Variants in EYS observed in about 807,000 individuals in gnomAD.
EYS encodes EGF-like photoreceptor maintenance factor, also known as protein eyes shut homolog.
In EYS, 250 loss-of-function variants were observed where a neutral mutation model predicts 282.1. The ratio of observed to expected loss-of-function variants is 0.89; its 90% CI spans 0.80 to 0.98. The LOEUF (loss-of-function observed/expected upper bound fraction) is 0.98, where lower values mean the gene tolerates loss of function less well. Among genes scored for constraint, EYS ranks in the 50% least tolerant of loss-of-function variants. EYS has a pLI of 0.00. For synonymous variants in EYS, 1,355 were observed against 1,282.9 expected, an observed-to-expected ratio of 1.06 and a Z score of -1.20; for missense variants, 4,016 against 3,709.0, an observed-to-expected ratio of 1.08 and a Z score of -2.15.
chr6:64,934,946 C>G (rs971441936), intron 15 of EYS, among the ~76,000 whole-genome samples: 3 of 151,508 alleles, frequency 2.0e-5, no homozygotes, highest in African/African-American at 7.3e-5. Context: ...ATAATTATAA[C>G]AGTTTGTTGA....
At chr6:63,879,623 C>A (rs866270247) in intron 35 of EYS, among the ~76,000 whole-genome samples, 25 of 152,130 alleles carry the variant, frequency 1.6e-4, no homozygotes, top group African/African-American at 5.8e-4. Flanking sequence ...ATGCAATTAC[C>A]ACGCATGAAA....
At chr6:64,102,048 C>T (rs1010728810) in intron 31 of EYS, among the ~76,000 whole-genome samples, 1 of 152,004 alleles carries the variant, frequency 6.6e-6, no homozygotes, top group African/African-American at 2.4e-5. Context: ...GAGGAAGCTT[C>T]GCTGGATCAC....
rs367901724 is a variant in EYS, at chr6:65,623,787, C to A, written c.-333+15991G>T. ...CATGCAGTAGACGTCCAGTGAGTCA[C>A]AAATGGTGCATAGTGTTTACTTTTG... is the stretch of plus-strand genomic sequence containing the variant. On this transcript the variant is annotated intron_variant, in intron 2 of 42. Transcript: ENST00000503581. Among the ~76,000 whole-genome samples the A allele has an allele frequency of 8.5e-5, 13 of 152,270 alleles. No homozygotes were observed. The East Asian group carries it at 2.5e-3, about 29-fold the overall frequency.
chr6:64,589,414 C>G (rs1766330209), intron 26 of EYS, among the ~76,000 whole-genome samples: 1 of 152,046 alleles, frequency 6.6e-6, no homozygotes, highest in African/African-American at 2.4e-5. Context: ...ATTAATTTCA[C>G]TGCCACAAAG....
At chr6:64,085,683 C>T (rs754712779) in intron 31 of EYS, among the ~76,000 whole-genome samples, 3 of 152,070 alleles carry the variant, frequency 2.0e-5, no homozygotes, top group Non-Finnish European at 4.4e-5. Flanking sequence ...TTTTAATATC[C>T]TGTTTATGCC....
intron 12 of EYS, among the ~76,000 whole-genome samples, chr6:65,140,529 G>T (rs1016986858): frequency 6.6e-6 from 1 of 151,630 alleles, no homozygotes; most frequent in East Asian, 2.0e-4. Context: ...CACAGCAAAA[G>T]AAACTACCAT....
intron 30 of EYS, among the ~76,000 whole-genome samples, chr6:64,243,263 T>TA (rs1176269958): frequency 6.6e-6 from 1 of 152,076 alleles, no homozygotes. Context: ...AACTATAACT[T>TA]AGTTTTCTTT....
At chr6:65,498,813 TA>T (rs1426358275) in intron 2 of EYS, among the ~76,000 whole-genome samples, 4 of 152,138 alleles carry the variant, frequency 2.6e-5, no homozygotes, top group Admixed American at 2.0e-4. Flanking sequence ...GGTATGATGT[TA>T]TGTGTCTCAG....
At chr6:64,117,924 A>C (rs1773445139) in intron 31 of EYS, among the ~76,000 whole-genome samples, 1 of 152,068 alleles carries the variant, frequency 6.6e-6, no homozygotes, top group Non-Finnish European at 1.5e-5. Context: ...AATTAGCTGA[A>C]AACATTTCAA....
intron 2 of EYS, among the ~76,000 whole-genome samples, chr6:65,593,404 G>A (rs1012734737): frequency 6.6e-6 from 1 of 151,986 alleles, no homozygotes; most frequent in East Asian, 1.9e-4. Context: ...GGCGAAACTG[G>A]TGCAAGCTAA....
intron 33 of EYS, among the ~76,000 whole-genome samples, chr6:64,028,324 G>T (rs139994361): frequency 0.013 from 1,955 of 151,814 alleles, 35 homozygotes; most frequent in African/African-American, 0.045. Flanking sequence ...GCTCATAAAG[G>T]ATTACAGAAT....
chr6:63,903,785 G>T (rs1773710961), intron 35 of EYS, among the ~76,000 whole-genome samples: 1 of 152,190 alleles, frequency 6.6e-6, no homozygotes, highest in Non-Finnish European at 1.5e-5. Context: ...ACGCAGACAG[G>T]AGGTATCCTC....
intron 2 of EYS, among the ~76,000 whole-genome samples, chr6:65,586,201 C>T (rs1379617589): frequency 1.3e-5 from 2 of 151,908 alleles, no homozygotes; most frequent in African/African-American, 2.4e-5. Context: ...TGTAACTATA[C>T]ACATAGAGAA....
At chr6:64,161,662 C>T (rs1775112169) in intron 31 of EYS, among the ~76,000 whole-genome samples, 1 of 151,940 alleles carries the variant, frequency 6.6e-6, no homozygotes, top group South Asian at 2.1e-4. Context: ...TTCATGCTAT[C>T]TTGTTAAATA....
rs187527477 is a variant in EYS, at chr6:65,004,998, C to A, written c.2138-7295G>T. ...TTAAGAAAGTAGATTATTGGGCAACCCCCTTTGGGTCCCCTCCCTTTGCAT... is the reference window on the plus strand; with the variant it reads ...TTAAGAAAGTAGATTATTGGGCAACACCCTTTGGGTCCCCTCCCTTTGCAT... On this transcript the variant is annotated intron_variant, in intron 13 of 42. Coordinates refer to ENST00000503581, the MANE Select transcript of EYS (RefSeq NM_001142800.2). 2.6e-3 allele frequency among the ~76,000 whole-genome samples: 381 copies of A among 148,042 alleles called. 47 individuals carry two copies. The highest frequency in any genetic ancestry group is 4.5e-3 in the Non-Finnish European group (300 of 66,010).
At chr6:64,326,155 T>A (rs181587873) in intron 29 of EYS, among the ~76,000 whole-genome samples, 1 of 72,546 alleles carries the variant, frequency 1.4e-5, no homozygotes, top group Non-Finnish European at 3.0e-5. Flanking sequence ...GTAGTAGTAA[T>A]AGAAATTTAA....
At chr6:64,516,668 C>T (rs1412817313) in intron 26 of EYS, among the ~76,000 whole-genome samples, 2 of 151,664 alleles carry the variant, frequency 1.3e-5, no homozygotes, top group Non-Finnish European at 1.5e-5. Flanking sequence ...GTCCTAGATT[C>T]TGTTACAGTA....
At chr6:65,468,643 C>T (rs960450139) in intron 5 of EYS, among the ~76,000 whole-genome samples, 8 of 151,820 alleles carry the variant, frequency 5.3e-5, no homozygotes, top group Admixed American at 2.0e-4. Context: ...TTGGTTAATT[C>T]GAACAAAAGT....
chr6:65,089,431 A>G (rs1332615110), intron 12 of EYS, among the ~76,000 whole-genome samples: 5 of 152,116 alleles, frequency 3.3e-5, no homozygotes. Flanking sequence ...TTAAAGGTTT[A>G]ATGACTGCCC....
Sources: allele counts gnomAD v4.1 joint callset (sites outside exome capture counted in the v4.1 genomes callset), GRCh38; gene constraint gnomAD v4.1.1; transcripts MANE v1.5; gene names NCBI Gene and HGNC (gene_info 2026-07-23, HGNC 2026-07-21).